SLC51B: variants seen among roughly 807,000 people sequenced by gnomAD.
SLC51B encodes organic solute transporter subunit beta.
SLC51B carries 6 observed loss-of-function variants against 8.0 expected under a neutral mutation model. The observed-to-expected ratio is 0.75, with a 90% CI of 0.41 to 1.48. The LOEUF (loss-of-function observed/expected upper bound fraction) is 1.48, where lower values mean the gene tolerates loss of function less well. Among genes scored for constraint, SLC51B ranks in the 40% most tolerant of loss-of-function variants. SLC51B has a pLI of 0.01. For synonymous variants in SLC51B, 61 were observed against 54.8 expected (o/e 1.11, Z -0.50); for missense variants, 150 against 149.7 (o/e 1.00, Z -0.01).
In SLC51B at chr15:65,051,572, T is replaced by C; in HGVS notation, c.155T>C (p.Met52Thr). 6.2e-7 allele frequency: 1 copy of C among 1,613,592 alleles called. No homozygotes were observed. Among genetic ancestry groups the C allele is most frequent in the Non-Finnish European group, 8.5e-7 (1 of 1,179,718 alleles). The change falls in exon 3 of 4, where the codon ATG (methionine) becomes ACG (threonine). Residue 52 changes from methionine to threonine, a missense_variant. Physicochemically the swap from Met to Thr is moderately conservative, Grantham distance 81 (BLOSUM62 -1). Coordinates refer to ENST00000334287, the MANE Select transcript of SLC51B (RefSeq NM_178859.4). ...GCAGCTGTGGTGGTCATTATAAGCA[T>C]GGTCCTCCTGGGAAGAAGCATCCAG... ...ALAAVVVIISMVLLGRSIQAS... is the reference protein window; with the variant it reads ...ALAAVVVIISTVLLGRSIQAS...
In SLC51B at chr15:65,050,093, T is replaced by A; in HGVS notation, c.89T>A (p.Val30Glu). 6.4e-7 allele frequency: 1 copy of A among 1,551,398 alleles called. No individual in the cohort carries two copies. The highest frequency in any genetic ancestry group is 8.7e-7 in the Non-Finnish European group (1 of 1,146,792). ...GAAGAGATGCTTTGGTTTTTTCGTG[T>A]GGAAGATGGTAAGTGGTGAGAGATT... is the stretch of plus-strand genomic sequence containing the variant. ...LLEEMLWFFR[V>E]EDASPWNHSI... Residue 30 changes from valine (V) to glutamate (E), a missense_variant, in exon 2 of 4, where the codon GTG (valine) becomes GAG (glutamate). Transcript: ENST00000334287.
intron 1 of SLC51B, among the ~76,000 whole-genome samples, chr15:65,047,950 G>A (rs2086598902): frequency 6.6e-6 from 1 of 152,110 alleles, no homozygotes; most frequent in African/African-American, 2.4e-5. Flanking sequence ...AGGCCGAGGC[G>A]AGTGGATTAC....
intron 2 of SLC51B, 30 bp downstream of exon 2, chr15:65,050,131 G>C (rs1468473041): frequency 1.3e-6 from 2 of 1,528,294 alleles, no homozygotes; most frequent in South Asian, 2.4e-5. Context: ...CGGCAGGGGT[G>C]GGGGTGTGCC....
intron 1 of SLC51B, among the ~76,000 whole-genome samples, chr15:65,048,690 T>G (rs2086607157): frequency 6.6e-6 from 1 of 152,222 alleles, no homozygotes; most frequent in Non-Finnish European, 1.5e-5. Flanking sequence ...CAGCTTAATG[T>G]GTTTAATGCG....
intron 2 of SLC51B, among the ~76,000 whole-genome samples, chr15:65,050,459 T>C (rs140344780): frequency 9.1e-4 from 139 of 152,226 alleles, no homozygotes; most frequent in African/African-American, 3.2e-3. Flanking sequence ...CTAAAACGCA[T>C]AGTGCGTTGG....
chr15:65,049,989 T>C lies in SLC51B; in HGVS notation c.-16T>C. 1.3e-6 allele frequency: 2 copies of C among 1,546,646 alleles called. No homozygotes were observed. Among genetic ancestry groups the C allele is most frequent in the Non-Finnish European group, 1.7e-6 (2 of 1,143,680 alleles). On this transcript the variant is annotated 5_prime_UTR_variant, in exon 2 of 4. Coordinates refer to ENST00000334287, the MANE Select transcript of SLC51B (RefSeq NM_178859.4). ...GGTCTAAGGACCTCGTTGCACACGC[T>C]ACCAGGAGCAGGGGCATGGAGCACA...
At chr15:65,048,175 C>T (rs1432470956) in intron 1 of SLC51B, among the ~76,000 whole-genome samples, 4 of 139,414 alleles carry the variant, frequency 2.9e-5, no homozygotes, top group East Asian at 2.2e-4. Flanking sequence ...AGCAAGACTC[C>T]GTCTCAAAAG....
rs2086678908 is a variant in SLC51B, at chr15:65,053,200, C to T, written c.*36C>T. On this transcript the variant is annotated 3_prime_UTR_variant, in exon 4 of 4. Transcript: ENST00000334287. ...GAGAAGCCCCATCCTAAGCCAGACACATGATGTGGGCTCAGCTCAGTGGCC... is the reference window on the plus strand; with the variant it reads ...GAGAAGCCCCATCCTAAGCCAGACATATGATGTGGGCTCAGCTCAGTGGCC... 1 of 1,610,106 alleles carries T rather than the reference C, an allele frequency of 6.2e-7. No homozygotes were observed. The highest frequency in any genetic ancestry group is 8.5e-7 in the Non-Finnish European group (1 of 1,178,614).
chr15:65,046,961 C>A (rs1358592968), intron 1 of SLC51B, among the ~76,000 whole-genome samples: 2 of 152,070 alleles, frequency 1.3e-5, no homozygotes, highest in African/African-American at 4.8e-5. Context: ...CAATAGCTTA[C>A]CTGCGTCTTT....
intron 3 of SLC51B, 108 bp from the exon 4 acceptor site, chr15:65,052,858 C>T: frequency 1.0e-6 from 1 of 995,540 alleles, no homozygotes. Flanking sequence ...TAGTAGCTCC[C>T]AAACTGCATA....
At chr15:65,048,052 C>T (rs1451307653) in intron 1 of SLC51B, among the ~76,000 whole-genome samples, 1 of 151,956 alleles carries the variant, frequency 6.6e-6, no homozygotes, top group Non-Finnish European at 1.5e-5. Flanking sequence ...GGTGGCATGC[C>T]CTGTAGTCCC....
At chr15:65,050,836 C>CTTCTT (rs759242705) in intron 2 of SLC51B, among the ~76,000 whole-genome samples, 10 of 95,650 alleles carry the variant, frequency 1.0e-4, no homozygotes, top group Non-Finnish European at 1.5e-4. Flanking sequence ...TCTTCTTCTT[C>CTTCTT]TTTTTTTTTT....
chr15:65,051,095 C>G (rs1043107549), intron 2 of SLC51B, among the ~76,000 whole-genome samples: 1 of 152,124 alleles, frequency 6.6e-6, no homozygotes, highest in African/African-American at 2.4e-5. Context: ...CCACCTGACT[C>G]GGCTTCCCAA....
chr15:65,051,684 G>C, intron 3 of SLC51B, 79 bp downstream of exon 3: 1 of 1,354,876 alleles, frequency 7.4e-7, no homozygotes, highest in Admixed American at 1.8e-5. Flanking sequence ...ATCTAGAGAG[G>C]GGTCACTTAG....
intron 3 of SLC51B, among the ~76,000 whole-genome samples, chr15:65,051,896 T>C (rs1411856679): frequency 6.6e-6 from 1 of 152,082 alleles, no homozygotes; most frequent in Non-Finnish European, 1.5e-5. Context: ...TCTCACCCTA[T>C]CAGCACACAT....
At chr15:65,052,282 G>A (rs532451625) in intron 3 of SLC51B, among the ~76,000 whole-genome samples, 2 of 152,194 alleles carry the variant, frequency 1.3e-5, no homozygotes, top group East Asian at 1.9e-4. Flanking sequence ...TGGTGACAAG[G>A]ACCTACGCTA....
At chr15:65,049,009 CAA>C (rs67842486) in intron 1 of SLC51B, among the ~76,000 whole-genome samples, 68 of 94,274 alleles carry the variant, frequency 7.2e-4, no homozygotes, top group African/African-American at 2.3e-3. Context: ...GACTCCGTCT[CAA>C]AAAAAAAAAA....
At position 65,053,357 on chromosome 15, in the gene SLC51B, T is replaced by C. The variant is rs1191965914; in HGVS notation, c.*193T>C. 2 of 1,411,566 alleles carry C rather than the reference T, an allele frequency of 1.4e-6. No individual in the cohort carries two copies. Among genetic ancestry groups the C allele is most frequent in the Middle Eastern group, 2.6e-4 (1 of 3,810 alleles). The allele number at this position is 1,411,566 out of a possible 1,614,324, so 87.4% of individuals were successfully genotyped here. A position where few individuals can be genotyped will look rare whatever the true frequency, so the allele number is the denominator to read the frequency against. ...TAAAATTCTGTTATTAAAAAAAATC[T>C]TTTATTAAAATGCTCCTGGAAGGGA... On this transcript the variant is annotated 3_prime_UTR_variant, in exon 4 of 4. Coordinates refer to ENST00000334287, the MANE Select transcript of SLC51B (RefSeq NM_178859.4).
chr15:65,052,091 G>A lies in SLC51B; in HGVS notation c.188+486G>A, dbSNP rs141077313. Among the ~76,000 whole-genome samples, 12 of 152,338 alleles carry A rather than the reference G, an allele frequency of 7.9e-5. No homozygotes were observed. The East Asian group carries it at 2.3e-3, about 29-fold the overall frequency. On this transcript the variant is annotated intron_variant, in intron 3 of 3. Transcript: ENST00000334287. ...CTGGAGAGAGGACAGACACATGGGA[G>A]TTATTAAGGAAGTGGGCAGTGGGAG...
Sources: allele counts gnomAD v4.1 joint callset (sites outside exome capture counted in the v4.1 genomes callset), GRCh38; gene constraint gnomAD v4.1.1; transcripts MANE v1.5; gene names NCBI Gene and HGNC (gene_info 2026-07-23, HGNC 2026-07-21).